The following CCDC146 variants were observed in gnomAD, a reference collection of about 807,000 sequenced individuals.
CCDC146 encodes coiled-coil domain containing 146.
A neutral mutation model predicts 119.3 loss-of-function variants in CCDC146; 92 were observed. That is an observed-to-expected ratio of 0.77 (90% CI 0.65 to 0.92). The LOEUF is 0.92. Ranked by LOEUF, CCDC146 falls within the 40% of genes least tolerant of loss-of-function variation. The probability of loss-of-function intolerance (pLI) is 0.00; values close to 1 mark genes in which losing one functional copy is unlikely to be tolerated. For missense variants in CCDC146, 1,000 were observed against 1,103.0 expected (o/e 0.91, Z 1.32); for synonymous variants, 372 against 371.8 (o/e 1.00, Z -0.01).
intron 1 of CCDC146, among the ~76,000 whole-genome samples, chr7:77,129,165 C>T (rs1264858676): frequency 6.6e-6 from 1 of 152,094 alleles, no homozygotes; most frequent in East Asian, 1.9e-4. Flanking sequence ...AAATTGCACA[C>T]AGTTCTGAGA....
intron 11 of CCDC146, among the ~76,000 whole-genome samples, chr7:77,278,203 C>T (rs984344693): frequency 6.6e-6 from 1 of 152,144 alleles, no homozygotes; most frequent in Non-Finnish European, 1.5e-5. Flanking sequence ...CTCACCCAGT[C>T]CAGCTGTGTG....
At chr7:77,171,176 T>C (rs2117493633) in intron 2 of CCDC146, among the ~76,000 whole-genome samples, 1 of 152,342 alleles carries the variant, frequency 6.6e-6, no homozygotes, top group Non-Finnish European at 1.5e-5. Context: ...ACACTTATGA[T>C]GTAAGCTCAT....
chr7:77,230,155 A>T (rs1231896194), intron 2 of CCDC146, among the ~76,000 whole-genome samples: 1 of 152,156 alleles, frequency 6.6e-6, no homozygotes, highest in Non-Finnish European at 1.5e-5. Flanking sequence ...TGAATATTCC[A>T]TCCTATGGAT....
intron 1 of CCDC146, among the ~76,000 whole-genome samples, chr7:77,133,652 C>CTT (rs71524906): frequency 8.1e-4 from 111 of 137,812 alleles, no homozygotes; most frequent in South Asian, 2.7e-3. Context: ...CCTGGAACAC[C>CTT]TTTTTTTTTT....
chr7:77,237,736 G>A (rs1177700847), intron 3 of CCDC146, among the ~76,000 whole-genome samples: 1 of 152,192 alleles, frequency 6.6e-6, no homozygotes, highest in East Asian at 1.9e-4. Flanking sequence ...CAGAAGAACA[G>A]GCTATCATAG....
intron 1 of CCDC146, among the ~76,000 whole-genome samples, chr7:77,126,182 C>T (rs889738256): frequency 3.0e-4 from 45 of 152,096 alleles, no homozygotes; most frequent in Non-Finnish European, 2.9e-5. Context: ...TGCATTTTGT[C>T]AAATGCTTTT....
chr7:77,149,829 T>C (rs2117442729), intron 1 of CCDC146, among the ~76,000 whole-genome samples: 1 of 149,246 alleles, frequency 6.7e-6, no homozygotes, highest in Middle Eastern at 3.5e-3. Flanking sequence ...AAAGCTACAA[T>C]AATAAATACT....
intron 4 of CCDC146, among the ~76,000 whole-genome samples, chr7:77,244,078 A>G (rs1305879452): frequency 2.0e-5 from 3 of 152,138 alleles, no homozygotes; most frequent in East Asian, 1.9e-4. Flanking sequence ...GGATTTCACC[A>G]TCTTGGCCAG....
chr7:77,279,105 A>C lies in CCDC146; in HGVS notation c.1694+4A>C. 1 of 1,609,440 alleles carries C rather than the reference A, an allele frequency of 6.2e-7. No homozygotes were observed. Among genetic ancestry groups the C allele is most frequent in the Non-Finnish European group, 8.5e-7 (1 of 1,178,372 alleles). ...ATAGTGCCGTTAGTCAAGAAAGGTA[A>C]GTGTTATAATAACTATTGGCCTTTC... On this transcript the variant is annotated splice_donor_region_variant and intron_variant, in intron 13 of 18. Coordinates refer to ENST00000285871, the MANE Select transcript of CCDC146 (RefSeq NM_020879.3).
chr7:77,292,585 C>CT (rs1202331061), intron 17 of CCDC146, among the ~76,000 whole-genome samples: 1 of 149,024 alleles, frequency 6.7e-6, no homozygotes, highest in Non-Finnish European at 1.5e-5. Flanking sequence ...CTACTGCACT[C>CT]CAGCCAGGGC....
intron 4 of CCDC146, among the ~76,000 whole-genome samples, chr7:77,245,510 C>A (rs1247328807): frequency 6.6e-6 from 1 of 152,152 alleles, no homozygotes. Flanking sequence ...GGAAACAAGG[C>A]TGTGGTGAGC....
chr7:77,131,036 C>T (rs1368320210), intron 1 of CCDC146, among the ~76,000 whole-genome samples: 7 of 151,910 alleles, frequency 4.6e-5, no homozygotes, highest in Non-Finnish European at 2.9e-5. Context: ...GGAATACTGG[C>T]GCATGCCACC....
At chr7:77,184,572 G>T (rs1392923066) in intron 2 of CCDC146, among the ~76,000 whole-genome samples, 1 of 152,128 alleles carries the variant, frequency 6.6e-6, no homozygotes, top group East Asian at 1.9e-4. Context: ...TGAAAATAAG[G>T]ACTTTGCTGT....
chr7:77,218,060 A>T (rs1792332222), intron 2 of CCDC146, among the ~76,000 whole-genome samples: 1 of 152,080 alleles, frequency 6.6e-6, no homozygotes, highest in African/African-American at 2.4e-5. Context: ...ACATCGCTAC[A>T]ACCACATGAC....
intron 3 of CCDC146, among the ~76,000 whole-genome samples, chr7:77,240,808 T>C (rs1032241365): frequency 6.6e-6 from 1 of 152,188 alleles, no homozygotes; most frequent in African/African-American, 2.4e-5. Context: ...TATATTACTA[T>C]TAATTAAACT....
chr7:77,271,515 T>TAG (rs1562856508), intron 9 of CCDC146, among the ~76,000 whole-genome samples: 33 of 320 alleles, frequency 0.1, 1 homozygote, highest in South Asian at 0.28. Flanking sequence ...TAATAGGAGA[T>TAG]ATATATATAT....
intron 2 of CCDC146, among the ~76,000 whole-genome samples, chr7:77,213,857 T>A (rs574113550): frequency 6.2e-4 from 94 of 152,322 alleles, no homozygotes; most frequent in South Asian, 1.0e-3. Flanking sequence ...ACATTTTCTT[T>A]ATCTAATCCT....
intron 13 of CCDC146, 86 bp from the exon 14 acceptor site, chr7:77,280,343 T>A: frequency 9.8e-7 from 1 of 1,019,448 alleles, no homozygotes; most frequent in Non-Finnish European, 1.4e-6. Context: ...TCTGCTTTGA[T>A]AGTGCTTGTG....
In CCDC146 at chr7:77,125,059, T is replaced by G. The variant is rs184723900; in HGVS notation, c.-12+2327T>G. Among the ~76,000 whole-genome samples the G allele has an allele frequency of 5.3e-3, 805 of 152,004 alleles. 34 individuals carry two copies. The highest frequency in any genetic ancestry group is 0.05 in the Admixed American group (760 of 15,276). On this transcript the variant is annotated intron_variant, in intron 1 of 18. Transcript: ENST00000285871. ...AATTAAAAAAATTAGCTTGGCGTAG[T>G]GATGGACACCTGTAATCCCAGCTAC...
Sources: gnomAD v4.1 joint callset for allele counts (sites outside exome capture counted in the v4.1 genomes callset) on GRCh38, gnomAD v4.1.1 for gene constraint, MANE v1.5 for transcripts, NCBI Gene and HGNC (gene_info 2026-07-23, HGNC 2026-07-21) for gene names.